STK39: variants seen among roughly 807,000 people sequenced by gnomAD.
STK39 encodes serine/threonine kinase 39, also known as STE20/SPS1-related proline-alanine-rich protein kinase.
Under a neutral mutation model 77.8 loss-of-function variants are expected in STK39, and 20 were observed. That is an observed-to-expected ratio of 0.26 (90% CI 0.18 to 0.37). The LOEUF (loss-of-function observed/expected upper bound fraction) is 0.37, where lower values mean the gene tolerates loss of function less well. Among genes scored for constraint, STK39 ranks in the 10% least tolerant of loss-of-function variants. The pLI, the probability that STK39 is intolerant of heterozygous loss-of-function variation, is 1.00. For synonymous variants in STK39, 246 were observed against 234.1 expected, an observed-to-expected ratio of 1.05 and a Z score of -0.47; for missense variants, 479 against 656.5, an observed-to-expected ratio of 0.73 and a Z score of 2.95.
chr2:167,985,814 AT>A (rs1683542910), intron 16 of STK39, among the ~76,000 whole-genome samples: 1 of 152,210 alleles, frequency 6.6e-6, no homozygotes, highest in African/African-American at 2.4e-5. Flanking sequence ...GTAAGAAGGC[AT>A]TTTAAGGAAA....
chr2:168,178,131 C>T (rs1688998353), intron 2 of STK39, among the ~76,000 whole-genome samples: 1 of 152,164 alleles, frequency 6.6e-6, no homozygotes. Context: ...TCCTAGAGAG[C>T]ATTAAACTAG....
At chr2:168,210,764 C>T (rs1305625384) in intron 1 of STK39, among the ~76,000 whole-genome samples, 1 of 152,206 alleles carries the variant, frequency 6.6e-6, no homozygotes, top group Non-Finnish European at 1.5e-5. Flanking sequence ...AAATGATCCT[C>T]TCACCTCAGC....
At chr2:168,017,011 G>T in intron 15 of STK39, 32 bp downstream of exon 15, 1 of 1,540,670 alleles carries the variant, frequency 6.5e-7, no homozygotes, top group Non-Finnish European at 8.9e-7. Context: ...GCTCTTTGAG[G>T]CAATAAAATA....
At chr2:168,055,116 T>A (rs1465091642) in intron 14 of STK39, among the ~76,000 whole-genome samples, 1 of 152,182 alleles carries the variant, frequency 6.6e-6, no homozygotes, top group Non-Finnish European at 1.5e-5. Flanking sequence ...AAGCACTGCA[T>A]AACTGAACAC....
At chr2:168,173,813 T>C (rs923845321) in intron 2 of STK39, among the ~76,000 whole-genome samples, 1 of 152,214 alleles carries the variant, frequency 6.6e-6, no homozygotes, top group African/African-American at 2.4e-5. Context: ...CCTCCCAAAG[T>C]GCTGGGATTA....
chr2:168,080,984 A>G (rs1316123938), intron 10 of STK39, among the ~76,000 whole-genome samples: 1 of 152,196 alleles, frequency 6.6e-6, no homozygotes, highest in African/African-American at 2.4e-5. Context: ...AGGAGGATAT[A>G]TGGAAACACC....
intron 14 of STK39, among the ~76,000 whole-genome samples, chr2:168,051,002 AT>A (rs1685381314): frequency 6.6e-6 from 1 of 152,256 alleles, no homozygotes; most frequent in Admixed American, 6.5e-5. Context: ...AGAAAAGTTA[AT>A]GCAAAGAAAG....
intron 14 of STK39, among the ~76,000 whole-genome samples, chr2:168,018,157 A>G (rs1372508237): frequency 2.0e-5 from 3 of 152,194 alleles, no homozygotes; most frequent in East Asian, 1.9e-4. Context: ...CTAAAATATT[A>G]TAAGTATCAA....
chr2:168,001,519 TA>T (rs61249572), intron 16 of STK39, among the ~76,000 whole-genome samples: 72,998 of 150,382 alleles, frequency 0.49, 18,517 homozygotes, highest in Non-Finnish European at 0.55. Flanking sequence ...CCTCTTTTTT[TA>T]AAAAAAAAAA....
At position 167,964,978 on chromosome 2, in the gene STK39, A is replaced by G. The variant is rs573130083; in HGVS notation, c.1499-252T>C. Among the ~76,000 whole-genome samples the G allele has an allele frequency of 4.1e-4, 63 of 152,256 alleles. 1 individual carries two copies. The highest frequency in any genetic ancestry group is 6.3e-3 in the Middle Eastern group (2 of 316). ...ACTGTATGTCAACTCTGCATTTCAT[A>G]TAATAAAATCTGAAATTTCTAACGG... On this transcript the variant is annotated intron_variant, in intron 16 of 17. Transcript: ENST00000355999.
At chr2:168,123,795 G>A (rs1687469215) in intron 10 of STK39, among the ~76,000 whole-genome samples, 1 of 151,432 alleles carries the variant, frequency 6.6e-6, no homozygotes, top group Admixed American at 6.6e-5. Context: ...CTTGAACCTG[G>A]GAAGCGGAGG....
chr2:168,220,748 GC>G (rs1329632536), intron 1 of STK39, among the ~76,000 whole-genome samples: 4 of 152,128 alleles, frequency 2.6e-5, no homozygotes, highest in African/African-American at 9.7e-5. Context: ...TCTTCTGGAT[GC>G]AATAAAAACT....
At chr2:168,175,722 T>C (rs1012855492) in intron 2 of STK39, among the ~76,000 whole-genome samples, 1 of 152,162 alleles carries the variant, frequency 6.6e-6, no homozygotes, top group Non-Finnish European at 1.5e-5. Context: ...CTATTTCCAA[T>C]CCTGCCCTCA....
At chr2:168,065,512 G>T in intron 12 of STK39, 131 bp from the exon 13 acceptor site, 1 of 942,724 alleles carries the variant, frequency 1.1e-6, no homozygotes, top group Non-Finnish European at 1.7e-6. Flanking sequence ...ACCAAAGTGT[G>T]GCTCTTTGAC....
At chr2:168,123,405 G>A (rs373489565) in intron 10 of STK39, among the ~76,000 whole-genome samples, 2 of 152,134 alleles carry the variant, frequency 1.3e-5, no homozygotes, top group South Asian at 2.1e-4. Flanking sequence ...AGGTAAGAGA[G>A]TATCCTTGTT....
At chr2:167,958,931 T>C (rs867685213) in intron 17 of STK39, among the ~76,000 whole-genome samples, 3 of 152,204 alleles carry the variant, frequency 2.0e-5, no homozygotes, top group African/African-American at 7.2e-5. Context: ...TATGAACAAT[T>C]CATTATACAA....
At chr2:168,225,200 C>G (rs1401197303) in intron 1 of STK39, among the ~76,000 whole-genome samples, 2 of 152,154 alleles carry the variant, frequency 1.3e-5, no homozygotes, top group Non-Finnish European at 2.9e-5. Flanking sequence ...TATTAACAAA[C>G]TTGCATCTCT....
intron 16 of STK39, among the ~76,000 whole-genome samples, chr2:167,980,702 G>C (rs1217135368): frequency 1.3e-5 from 2 of 151,668 alleles, no homozygotes; most frequent in African/African-American, 4.8e-5. Context: ...TTTATGTTAT[G>C]CGGCACTGCT....
chr2:167,968,011 T>TTTA (rs1041240664), intron 16 of STK39, among the ~76,000 whole-genome samples: 1 of 150,570 alleles, frequency 6.6e-6, no homozygotes, highest in Middle Eastern at 3.2e-3. Flanking sequence ...GTACTCAATG[T>TTTA]TTAGCTCTCA....
Sources: allele counts gnomAD v4.1 joint callset (sites outside exome capture counted in the v4.1 genomes callset), GRCh38; gene constraint gnomAD v4.1.1; transcripts MANE v1.5; gene names NCBI Gene and HGNC (gene_info 2026-07-23, HGNC 2026-07-21).